Variants in MAN2A1 observed in about 807,000 individuals in gnomAD.
MAN2A1 encodes alpha-mannosidase 2.
A neutral mutation model predicts 142.6 loss-of-function variants in MAN2A1; 76 were observed. The observed-to-expected ratio is 0.53, with a 90% CI of 0.44 to 0.65. The LOEUF (loss-of-function observed/expected upper bound fraction) is 0.65. MAN2A1 is among the 30% of genes least tolerant of loss of function. MAN2A1 has a pLI of 0.00. For synonymous variants in MAN2A1, 559 were observed against 473.2 expected, an observed-to-expected ratio of 1.18 and a Z score of -2.35; for missense variants, 1,311 against 1,365.1, an observed-to-expected ratio of 0.96 and a Z score of 0.62.
intron 1 of MAN2A1, among the ~76,000 whole-genome samples, chr5:109,698,424 G>A (rs1432297650): frequency 6.6e-6 from 1 of 152,192 alleles, no homozygotes; most frequent in African/African-American, 2.4e-5. Flanking sequence ...CACCCCATTT[G>A]TGTCCTCACA....
chr5:109,823,647 G>A (rs28756687), intron 15 of MAN2A1, 76 bp from the exon 16 acceptor site: 51,888 of 754,564 alleles, frequency 0.069, 2,181 homozygotes, highest in African/African-American at 0.15. Context: ...TTCTATTTTT[G>A]AAACCATAAT....
intron 8 of MAN2A1, among the ~76,000 whole-genome samples, chr5:109,779,584 A>ACACACACACAC (rs1293213572): frequency 7.3e-4 from 37 of 50,454 alleles, no homozygotes; most frequent in African/African-American, 2.4e-3. Context: ...CACACACACA[A>ACACACACACAC]ACACACACAG....
intron 20 of MAN2A1, among the ~76,000 whole-genome samples, chr5:109,860,725 G>C (rs1755734081): frequency 6.6e-6 from 1 of 152,218 alleles, no homozygotes; most frequent in South Asian, 2.1e-4. Flanking sequence ...AGACTGTCAT[G>C]TGTGTATAAT....
intron 4 of MAN2A1, among the ~76,000 whole-genome samples, chr5:109,745,135 T>C (rs941551369): frequency 9.2e-5 from 14 of 152,250 alleles, no homozygotes; most frequent in Admixed American, 8.5e-4. Context: ...GAACGGGGCA[T>C]GAGGGAACTC....
chr5:109,732,168 A>C (rs1561483329), intron 4 of MAN2A1, among the ~76,000 whole-genome samples: 1 of 150,038 alleles, frequency 6.7e-6, no homozygotes, highest in Admixed American at 6.6e-5. Context: ...TTCTTTTGAG[A>C]AGTGTCTGTT....
At chr5:109,866,419 A>G (rs1755885052) in intron 21 of MAN2A1, among the ~76,000 whole-genome samples, 1 of 152,136 alleles carries the variant, frequency 6.6e-6, no homozygotes, top group Admixed American at 6.5e-5. Flanking sequence ...GTGGTTGAGG[A>G]CTACCATTGT....
At chr5:109,863,067 G>A (rs994325110) in intron 20 of MAN2A1, 8 of 152,150 alleles carry the variant, frequency 5.3e-5, no homozygotes, top group Non-Finnish European at 1.2e-4. Context: ...ATGTGTTGCA[G>A]GAATTTTAGC....
intron 4 of MAN2A1, among the ~76,000 whole-genome samples, chr5:109,753,400 C>T (rs1344408688): frequency 6.6e-6 from 1 of 152,168 alleles, no homozygotes; most frequent in African/African-American, 2.4e-5. Context: ...TTAGAAATTT[C>T]CAGCTTCTTC....
At chr5:109,737,889 T>C (rs1752151188) in intron 4 of MAN2A1, among the ~76,000 whole-genome samples, 1 of 152,204 alleles carries the variant, frequency 6.6e-6, no homozygotes. Flanking sequence ...TGAGAAGTGA[T>C]GGCAAGTAGG....
intron 20 of MAN2A1, among the ~76,000 whole-genome samples, chr5:109,856,852 A>G (rs1457610373): frequency 1.3e-5 from 2 of 152,180 alleles, no homozygotes; most frequent in East Asian, 3.9e-4. Flanking sequence ...CCTACCCACT[A>G]CATGTCAGTT....
chr5:109,710,149 C>T (rs539899976), intron 1 of MAN2A1, among the ~76,000 whole-genome samples: 3 of 152,182 alleles, frequency 2.0e-5, no homozygotes, highest in Non-Finnish European at 4.4e-5. Flanking sequence ...TCTCCATGTA[C>T]TTAATTCAGT....
chr5:109,722,327 G>A (rs1362837699), intron 3 of MAN2A1, among the ~76,000 whole-genome samples: 1 of 151,972 alleles, frequency 6.6e-6, no homozygotes. Flanking sequence ...TACTATATTA[G>A]TACATGAGAT....
At chr5:109,819,575 A>G (rs1261122487) in intron 13 of MAN2A1, 94 bp from the exon 14 acceptor site, 18 of 686,462 alleles carry the variant, frequency 2.6e-5, no homozygotes, top group Non-Finnish European at 3.5e-5. Context: ...TTTAAAAAAT[A>G]TGATAGTTTG....
chr5:109,726,697 A>G (rs1183140025), intron 3 of MAN2A1, among the ~76,000 whole-genome samples: 1 of 152,212 alleles, frequency 6.6e-6, no homozygotes, highest in Non-Finnish European at 1.5e-5. Flanking sequence ...ACTGTTGAAA[A>G]TAAATAGTTG....
At position 109,724,548 on chromosome 5, in the gene MAN2A1, GTGT is replaced by G. The variant is rs567212036; in HGVS notation, c.536-4789_536-4787del. Among the ~76,000 whole-genome samples the G allele has an allele frequency of 1.6e-4, 25 of 152,212 alleles. 1 individual carries two copies. In the South Asian group the frequency reaches 5.2e-3, roughly 32 times the overall value. On this transcript the variant is annotated intron_variant, in intron 3 of 21. Transcript: ENST00000261483. The stretch of plus-strand genomic sequence containing the variant: ...AAAAATCTTGAGGCTTAAGTTGCAT[GTGT>G]TGTTTATTACCAATGTATTATTTAT...
At chr5:109,857,335 A>G (rs540151398) in intron 20 of MAN2A1, among the ~76,000 whole-genome samples, 84 of 152,352 alleles carry the variant, frequency 5.5e-4, no homozygotes, top group African/African-American at 1.8e-3. Flanking sequence ...TTGTAGGTCT[A>G]CATTTTGGCT....
At chr5:109,748,556 A>C (rs1180088453) in intron 4 of MAN2A1, among the ~76,000 whole-genome samples, 1 of 152,174 alleles carries the variant, frequency 6.6e-6, no homozygotes, top group East Asian at 1.9e-4. Flanking sequence ...ACAAATATGC[A>C]ATTAAATTTT....
intron 12 of MAN2A1, among the ~76,000 whole-genome samples, chr5:109,811,934 T>A (rs865900608): frequency 6.6e-6 from 1 of 152,138 alleles, no homozygotes; most frequent in African/African-American, 2.4e-5. Context: ...CTGTTGTTAA[T>A]TTCCTTTATT....
intron 18 of MAN2A1, among the ~76,000 whole-genome samples, chr5:109,847,426 A>C (rs1447573451): frequency 6.6e-6 from 1 of 152,174 alleles, no homozygotes; most frequent in Non-Finnish European, 1.5e-5. Flanking sequence ...GATATTGTGA[A>C]ACATTACTAA....
Sources: gnomAD v4.1 joint callset for allele counts (sites outside exome capture counted in the v4.1 genomes callset) on GRCh38, gnomAD v4.1.1 for gene constraint, MANE v1.5 for transcripts, NCBI Gene and HGNC (gene_info 2026-07-23, HGNC 2026-07-21) for gene names.